The following LRRC8C variants were observed in gnomAD, a reference collection of about 807,000 sequenced individuals.
The protein encoded by LRRC8C is volume-regulated anion channel subunit LRRC8C.
Under a neutral mutation model 55.3 loss-of-function variants are expected in LRRC8C, and 20 were observed. The observed-to-expected ratio is 0.36, with a 90% CI of 0.25 to 0.53. LRRC8C has a LOEUF of 0.53. Ranked by LOEUF, LRRC8C falls within the 20% of genes least tolerant of loss-of-function variation. The probability of loss-of-function intolerance (pLI) is 0.92; values close to 1 mark genes in which losing one functional copy is unlikely to be tolerated. For missense variants in LRRC8C, 659 were observed against 951.4 expected, an observed-to-expected ratio of 0.69 and a Z score of 4.04; for synonymous variants, 376 against 360.7, an observed-to-expected ratio of 1.04 and a Z score of -0.48.
intron 1 of LRRC8C, among the ~76,000 whole-genome samples, chr1:89,640,629 G>A (rs1656427528): frequency 6.6e-6 from 1 of 152,154 alleles, no homozygotes; most frequent in Non-Finnish European, 1.5e-5. Context: ...GTAAAGTTAG[G>A]AGATACTGTC....
At chr1:89,653,111 C>G (rs1230899960) in intron 1 of LRRC8C, among the ~76,000 whole-genome samples, 8 of 152,170 alleles carry the variant, frequency 5.3e-5, no homozygotes, top group Admixed American at 5.2e-4. Context: ...CTTAATCTGA[C>G]TTGCGTTTTC....
At chr1:89,659,060 T>TG (rs1657037058) in intron 1 of LRRC8C, among the ~76,000 whole-genome samples, 7 of 54,046 alleles carry the variant, frequency 1.3e-4, no homozygotes, top group African/African-American at 4.5e-4. Context: ...TTTTTTTTTT[T>TG]TTGTGTGTGT....
At chr1:89,638,798 G>T (rs1041644576) in intron 1 of LRRC8C, among the ~76,000 whole-genome samples, 5 of 151,880 alleles carry the variant, frequency 3.3e-5, no homozygotes, top group Admixed American at 3.3e-4. Flanking sequence ...TTATTTCCTG[G>T]AAGGGAAGCC....
intron 1 of LRRC8C, among the ~76,000 whole-genome samples, chr1:89,649,876 C>T (rs748940724): frequency 2.0e-5 from 3 of 152,166 alleles, no homozygotes; most frequent in Non-Finnish European, 4.4e-5. Context: ...ATTTCCCCTC[C>T]TCTCTTTGTT....
At chr1:89,702,786 T>C (rs897908894) in intron 2 of LRRC8C, among the ~76,000 whole-genome samples, 1 of 151,998 alleles carries the variant, frequency 6.6e-6, no homozygotes, top group East Asian at 1.9e-4. Flanking sequence ...ATAAAGTAGG[T>C]AGATATGACT....
chr1:89,704,547 T>A (rs1309755930), intron 2 of LRRC8C, among the ~76,000 whole-genome samples: 1 of 152,104 alleles, frequency 6.6e-6, no homozygotes, highest in African/African-American at 2.4e-5. Flanking sequence ...AATGCACAGA[T>A]ACAGATCTGG....
the LRRC8C span, among the ~76,000 whole-genome samples, chr1:89,621,782 G>A: frequency 3.3e-5 from 5 of 152,082 alleles, no homozygotes; most frequent in Non-Finnish European, 7.4e-5. Flanking sequence ...AACATCTCTT[G>A]GTATTTGTTT....
At chr1:89,647,390 G>C (rs1193143534) in intron 1 of LRRC8C, among the ~76,000 whole-genome samples, 1 of 152,186 alleles carries the variant, frequency 6.6e-6, no homozygotes, top group African/African-American at 2.4e-5. Context: ...GAAGGTCATA[G>C]TATTGCCTAG....
chr1:89,657,184 T>C (rs533785197), intron 1 of LRRC8C, among the ~76,000 whole-genome samples: 1 of 152,332 alleles, frequency 6.6e-6, no homozygotes, highest in African/African-American at 2.4e-5. Context: ...GAGGTAGTAG[T>C]ATATACATCT....
intron 1 of LRRC8C, among the ~76,000 whole-genome samples, chr1:89,655,806 T>G (rs946883047): frequency 1.3e-5 from 2 of 152,188 alleles, no homozygotes; most frequent in African/African-American, 4.8e-5. Flanking sequence ...CTTACTTGTC[T>G]GTTGAAGATG....
intron 2 of LRRC8C, among the ~76,000 whole-genome samples, chr1:89,687,834 G>C (rs959855519): frequency 1.3e-5 from 2 of 152,174 alleles, no homozygotes; most frequent in Admixed American, 1.3e-4. Context: ...GGGTAGATCA[G>C]CTGGAAAAGA....
At chr1:89,668,387 A>G (rs1657327563) in intron 1 of LRRC8C, 1 of 152,214 alleles carries the variant, frequency 6.6e-6, no homozygotes, top group Non-Finnish European at 1.5e-5. Context: ...TTATTATAGA[A>G]GGATAAGTTT....
rs771955175 is a variant in LRRC8C at position 89,659,048 on chromosome 1, G to GTTTTT, written c.-5+25736_-5+25740dup. ...AAATTTTAGGTTGTGTCTTCTCCAG[G>GTTTTT]TTTTTTTTTTTTTTGTGTGTGTGTG... On this transcript the variant is annotated intron_variant, in intron 1 of 2. Transcript: ENST00000370454. 5.3e-4 allele frequency among the ~76,000 whole-genome samples: 14 copies of GTTTTT among 26,220 alleles called. 1 individual carries two copies. Among genetic ancestry groups the GTTTTT allele is most frequent in the African/African-American group, 1.3e-3 (12 of 9,494 alleles). 17.2% of individuals were successfully genotyped at this position (26,220 alleles called of 152,430 possible).
At chr1:89,625,773 T>A in the LRRC8C span, among the ~76,000 whole-genome samples, 11 of 152,340 alleles carry the variant, frequency 7.2e-5, no homozygotes, top group African/African-American at 2.6e-4. Context: ...CAGCTTCTCA[T>A]TCAAAACAAA....
chr1:89,677,352 C>CA (rs1463437516), intron 1 of LRRC8C, among the ~76,000 whole-genome samples: 7 of 152,268 alleles, frequency 4.6e-5, no homozygotes, highest in Non-Finnish European at 1.0e-4. Context: ...TCCTTTGAGT[C>CA]AAAAGTTCTA....
At chr1:89,648,745 C>T (rs571162852) in intron 1 of LRRC8C, among the ~76,000 whole-genome samples, 5 of 152,162 alleles carry the variant, frequency 3.3e-5, no homozygotes, top group Non-Finnish European at 7.4e-5. Flanking sequence ...ATTACCCCTG[C>T]TCCCCATCCT....
At position 89,714,529 on chromosome 1, in the gene LRRC8C, A is replaced by C; in HGVS notation, c.1959A>C (p.Pro653=). 6.2e-7 allele frequency: 1 copy of C among 1,614,188 alleles called. No individual in the cohort carries two copies. Among genetic ancestry groups the C allele is most frequent in the African/African-American group, 1.3e-5 (1 of 75,040 alleles). ...KLWHNSITYI[P]EHIKKLTSLE... The stretch of plus-strand genomic sequence containing the variant: ...GGCATAACAGCATCACCTACATCCC[A>C]GAGCATATAAAGAAACTCACCAGCC... Residue 653 remains proline (P), a synonymous_variant, in exon 3 of 3, where the codon CCA becomes CCC. Coordinates refer to ENST00000370454, the MANE Select transcript of LRRC8C (RefSeq NM_032270.5). This position sits in a 1 kb window ranked among gnomAD's most constrained non-coding sequence, Gnocchi z 4.6.
intron 1 of LRRC8C, among the ~76,000 whole-genome samples, chr1:89,635,457 A>G (rs770667092): frequency 1.8e-4 from 28 of 152,332 alleles, no homozygotes; most frequent in Non-Finnish European, 3.2e-4. Context: ...CCCTAAGGTA[A>G]ATGGTGCCAT....
chr1:89,652,735 C>G (rs957086833), intron 1 of LRRC8C, among the ~76,000 whole-genome samples: 15 of 152,104 alleles, frequency 9.9e-5, no homozygotes, highest in Admixed American at 6.6e-5. Context: ...AGGACTTACT[C>G]TATGACAGAA....
Sources: gnomAD v4.1 joint callset for allele counts (sites outside exome capture counted in the v4.1 genomes callset) on GRCh38, gnomAD v4.1.1 for gene constraint, Gnocchi (gnomAD v3.1) non-coding constraint, MANE v1.5 for transcripts, NCBI Gene and HGNC (gene_info 2026-07-23, HGNC 2026-07-21) for gene names.